The following GAB1 variants were observed in gnomAD, a reference collection of about 807,000 sequenced individuals.
GAB1 encodes GRB2-associated-binding protein 1.
A neutral mutation model predicts 66.5 loss-of-function variants in GAB1; 19 were observed. That is an observed-to-expected ratio of 0.29 (90% CI 0.20 to 0.42). The LOEUF is 0.42. Among genes scored for constraint, GAB1 ranks in the 10% least tolerant of loss-of-function variants. GAB1 has a pLI of 1.00. For synonymous variants in GAB1, 294 were observed against 301.4 expected (o/e 0.98, Z 0.25); for missense variants, 732 against 858.5 (o/e 0.85, Z 1.84).
At chr4:143,375,856 C>G (rs1431559464) in intron 1 of GAB1, among the ~76,000 whole-genome samples, 1 of 152,052 alleles carries the variant, frequency 6.6e-6, no homozygotes, top group Non-Finnish European at 1.5e-5. Context: ...CCACTAGATG[C>G]CAGTAGTGCA....
intron 1 of GAB1, among the ~76,000 whole-genome samples, chr4:143,405,085 C>G (rs183263811): frequency 1.3e-5 from 2 of 152,178 alleles, no homozygotes; most frequent in Admixed American, 1.3e-4. Context: ...TTAAACAAGA[C>G]GTTATTAAAC....
intron 1 of GAB1, chr4:143,350,221 C>A (rs1729146649): frequency 3.3e-6 from 2 of 603,658 alleles, no homozygotes; most frequent in Non-Finnish European, 5.9e-6. Flanking sequence ...TGCCTTCTGT[C>A]TGATGGATAC....
At chr4:143,409,386 T>TC (rs146705733) in intron 1 of GAB1, among the ~76,000 whole-genome samples, 3,431 of 138,566 alleles carry the variant, frequency 0.025, 125 homozygotes, top group African/African-American at 0.075. Flanking sequence ...CTTTGAACTT[T>TC]CCCCCCCCCC....
intron 2 of GAB1, among the ~76,000 whole-genome samples, chr4:143,416,333 G>A (rs985015447): frequency 6.6e-6 from 1 of 151,916 alleles, no homozygotes; most frequent in African/African-American, 2.4e-5. Flanking sequence ...GTGTGAACCC[G>A]AGAGGTGGAG....
At chr4:143,432,488 A>G (rs1439750212) in intron 2 of GAB1, among the ~76,000 whole-genome samples, 2 of 152,188 alleles carry the variant, frequency 1.3e-5, no homozygotes, top group East Asian at 1.9e-4. Context: ...GAAGAAAAAT[A>G]AACTTCCAGC....
At chr4:143,464,016 G>T (rs539861058) in intron 8 of GAB1, among the ~76,000 whole-genome samples, 31 of 152,150 alleles carry the variant, frequency 2.0e-4, no homozygotes, top group African/African-American at 7.0e-4. Flanking sequence ...AGAAATGGAG[G>T]GTATGGGTCT....
At chr4:143,426,415 G>T (rs542315292) in intron 2 of GAB1, among the ~76,000 whole-genome samples, 44 of 152,098 alleles carry the variant, frequency 2.9e-4, no homozygotes, top group Non-Finnish European at 4.0e-4. Context: ...ACCAGATGTG[G>T]TAGTGTGTGC....
At chr4:143,437,851 G>T (rs1734013108) in intron 3 of GAB1, 148 bp from the exon 4 acceptor site, 1 of 779,218 alleles carries the variant, frequency 1.3e-6, no homozygotes, top group African/African-American at 1.8e-5. Context: ...AAAGGCTAAA[G>T]AACATTTGTG....
At chr4:143,434,500 C>T (rs1022068291) in intron 3 of GAB1, among the ~76,000 whole-genome samples, 3 of 151,750 alleles carry the variant, frequency 2.0e-5, no homozygotes, top group East Asian at 1.9e-4. Context: ...ACTTCAGGTG[C>T]ATGCCATCTG....
Position 143,384,884 on chromosome 4 carries a change from A to G in GAB1, c.73-30593A>G, listed in dbSNP as rs1221837662. ...TGACTAAGTCACTTAACCTTGTGTC[A>G]TTTTGGTTTACTTGGCTTTTAAAGG... On this transcript the variant is annotated intron_variant, in intron 1 of 9. Transcript: ENST00000262994. 3.3e-5 allele frequency among the ~76,000 whole-genome samples: 5 copies of G among 152,174 alleles called. No individual in the cohort carries two copies. The East Asian group carries it at 7.7e-4, about 23-fold the overall frequency.
intron 3 of GAB1, 97 bp downstream of exon 3, chr4:143,433,813 C>T (rs981391833): frequency 4.2e-5 from 42 of 998,416 alleles, no homozygotes; most frequent in Non-Finnish European, 6.3e-5. Context: ...TTTCGATTTG[C>T]AGGCTTGAAA....
At chr4:143,450,717 T>C (rs1718113197) in intron 6 of GAB1, among the ~76,000 whole-genome samples, 1 of 152,004 alleles carries the variant, frequency 6.6e-6, no homozygotes, top group South Asian at 2.1e-4. Flanking sequence ...TGGTGAAACC[T>C]GTCTCTAGTA....
intron 2 of GAB1, among the ~76,000 whole-genome samples, chr4:143,419,393 C>T (rs774007726): frequency 7.9e-5 from 12 of 152,088 alleles, no homozygotes; most frequent in Non-Finnish European, 1.6e-4. Flanking sequence ...TAGTTAGCAG[C>T]AGCAGTGATC....
intron 1 of GAB1, among the ~76,000 whole-genome samples, chr4:143,342,730 T>G (rs1168588860): frequency 2.0e-5 from 3 of 151,630 alleles, no homozygotes; most frequent in Admixed American, 6.6e-5. Context: ...GCAAATTTTT[T>G]TTTTGTATTT....
chr4:143,359,467 G>A (rs1288800413), intron 1 of GAB1, among the ~76,000 whole-genome samples: 1 of 152,150 alleles, frequency 6.6e-6, no homozygotes, highest in Non-Finnish European at 1.5e-5. Flanking sequence ...TATAATGAGA[G>A]AACATTTCCA....
chr4:143,341,494 C>T (rs535583127), intron 1 of GAB1, among the ~76,000 whole-genome samples: 1 of 152,356 alleles, frequency 6.6e-6, no homozygotes, highest in South Asian at 2.1e-4. Context: ...CATAGCCCAG[C>T]TGTCAGCATT....
At chr4:143,367,430 A>G (rs1179179772) in intron 1 of GAB1, among the ~76,000 whole-genome samples, 1 of 152,166 alleles carries the variant, frequency 6.6e-6, no homozygotes, top group East Asian at 1.9e-4. Context: ...GAGAGTGAGA[A>G]CATATGTTGG....
chr4:143,366,230 T>C (rs1729876766), intron 1 of GAB1, among the ~76,000 whole-genome samples: 1 of 152,246 alleles, frequency 6.6e-6, no homozygotes, highest in South Asian at 2.1e-4. Context: ...CCTTGTTGTA[T>C]GTGGTTCTGT....
intron 1 of GAB1, among the ~76,000 whole-genome samples, chr4:143,370,862 T>C (rs1048475353): frequency 1.3e-5 from 2 of 152,194 alleles, no homozygotes; most frequent in African/African-American, 2.4e-5. Context: ...TCCATGTCAC[T>C]ACAAAGGACA....
Sources: allele counts gnomAD v4.1 joint callset (sites outside exome capture counted in the v4.1 genomes callset), GRCh38; gene constraint gnomAD v4.1.1; transcripts MANE v1.5; gene names NCBI Gene and HGNC (gene_info 2026-07-23, HGNC 2026-07-21).